The following UBR4 variants were observed in gnomAD, a reference collection of about 807,000 sequenced individuals.
UBR4 encodes E3 ubiquitin-protein ligase UBR4.
UBR4 carries 124 observed loss-of-function variants against 575.6 expected under a neutral mutation model. The ratio of observed to expected loss-of-function variants is 0.22; its 90% confidence interval spans 0.19 to 0.25. The LOEUF (loss-of-function observed/expected upper bound fraction) is 0.25. UBR4 is among the 10% of genes least tolerant of loss of function. The pLI, the probability that UBR4 is intolerant of heterozygous loss-of-function variation, is 1.00. For synonymous variants in UBR4, 2,455 were observed against 2,473.7 expected, an observed-to-expected ratio of 0.99 and a Z score of 0.22; for missense variants, 4,818 against 6,478.8, an observed-to-expected ratio of 0.74 and a Z score of 8.80.
intron 59 of UBR4, 107 bp from the exon 60 acceptor site, chr1:19,138,288 A>G: frequency 8.4e-7 from 1 of 1,195,916 alleles, no homozygotes; most frequent in Non-Finnish European, 1.1e-6. Context: ...ACAGCATTAG[A>G]CAATAACTGG....
At position 19,173,579 on chromosome 1, in the gene UBR4, T is replaced by G. The variant is rs1159360687; in HGVS notation, c.3025A>C (p.Ile1009Leu). ...LQYYFLILWR[I>L]LGILPPSKTY... is the part of the protein sequence containing the mutation. Reference sequence around the variant, plus strand: ...TTTGATGGTGGTAAAATTCCTAGGATCCTCCACAGTATCAAGAAGTAATAT... The same window carrying G: ...TTTGATGGTGGTAAAATTCCTAGGAGCCTCCACAGTATCAAGAAGTAATAT... The change falls in exon 23 of 106, where the codon ATC becomes CTC. Residue 1009 changes from isoleucine (I) to leucine (L), a missense_variant. Around this residue, in one of 29 missense-constraint regions of UBR4, gnomAD observed 1,172 missense variants for 1,259.7 expected, o/e 0.93. Transcript: ENST00000375254. 1 of 1,613,930 alleles carries G rather than the reference T, an allele frequency of 6.2e-7. No homozygotes were observed. Among genetic ancestry groups the G allele is most frequent in the Non-Finnish European group, 8.5e-7 (1 of 1,180,020 alleles).
Position 19,176,670 on chromosome 1 carries a change from T to A in UBR4, c.2695A>T (p.Asn899Tyr). Residue 899 changes from asparagine (N) to tyrosine (Y), a missense_variant, in exon 20 of 106, where the codon AAC becomes TAC. Physicochemically the swap from Asn to Tyr is moderately radical, Grantham distance 143. Transcript: ENST00000375254. ...FGWASGSQDS[N>Y]SRRATTPLYH... The stretch of plus-strand genomic sequence containing the variant: ...AGAGGAGTGGTTGCCCGGCGGCTGT[T>A]GCTGTCCTGGGATCCACTTGCCCAC... 6.2e-7 allele frequency: 1 copy of A among 1,614,124 alleles called. No homozygotes were observed. Among genetic ancestry groups the A allele is most frequent in the East Asian group, 2.2e-5 (1 of 44,882 alleles).
intron 54 of UBR4, among the ~76,000 whole-genome samples, chr1:19,144,503 G>A (rs1403060915): frequency 1.3e-5 from 2 of 152,140 alleles, no homozygotes. Context: ...TCATTCATGT[G>A]CTCATTTAAG....
rs1443145770 is a variant in UBR4 at position 19,177,766 on chromosome 1, A to C, written c.2355-23T>G. 7 of 1,603,512 alleles carry C rather than the reference A, an allele frequency of 4.4e-6. No individual in the cohort carries two copies. The African/African-American group carries it at 6.7e-5, about 15-fold the overall frequency. ...AACCTACCAGAGAGAAAAGATGACT[A>C]TATCTGGTGGGAAAAAGAGCATTCC... On this transcript the variant is annotated intron_variant, in intron 18 of 105. Coordinates refer to ENST00000375254, the MANE Select transcript of UBR4 (RefSeq NM_020765.3).
chr1:19,148,133 G>A lies in UBR4; in HGVS notation c.7495-6C>T, dbSNP rs1339996620. ...GCAGCATTCTTGTTTCTCTCCTAAG[G>A]CAAAAGACAGCAGGGTTATCACTAA... On this transcript the variant is annotated splice_polypyrimidine_tract_variant and splice_region_variant and intron_variant, in intron 50 of 105. Coordinates refer to ENST00000375254, the MANE Select transcript of UBR4 (RefSeq NM_020765.3). The A allele has an allele frequency of 1.2e-5, 19 of 1,601,140 alleles. No homozygotes were observed. The highest frequency in any genetic ancestry group is 1.5e-5 in the Non-Finnish European group (18 of 1,176,444).
intron 105 of UBR4, 94 bp from the exon 106 acceptor site, chr1:19,074,990 T>G (rs1570018130): frequency 2.9e-6 from 4 of 1,361,462 alleles, no homozygotes; most frequent in Non-Finnish European, 4.1e-6. Context: ...GAGAACACAC[T>G]GCGGTCCGAC....
intron 81 of UBR4, among the ~76,000 whole-genome samples, chr1:19,109,451 T>C (rs1434152045): frequency 1.3e-5 from 2 of 152,202 alleles, no homozygotes; most frequent in African/African-American, 4.8e-5. Context: ...ATCAAGGAGC[T>C]CACAGCTAGC....
chr1:19,125,167 C>A (rs1160416336), intron 64 of UBR4, among the ~76,000 whole-genome samples: 2 of 152,124 alleles, frequency 1.3e-5, no homozygotes, highest in African/African-American at 4.8e-5. Flanking sequence ...CTTCATGTAA[C>A]ACAAAAAGGC....
intron 68 of UBR4, among the ~76,000 whole-genome samples, chr1:19,120,910 G>C (rs549369835): frequency 1.3e-5 from 2 of 152,312 alleles, no homozygotes; most frequent in South Asian, 4.1e-4. Flanking sequence ...CATAGAGAAG[G>C]TGTTATTATT....
chr1:19,095,084 G>A, intron 93 of UBR4, 59 bp from the exon 94 acceptor site: 2 of 1,612,478 alleles, frequency 1.2e-6, no homozygotes, highest in Non-Finnish European at 1.7e-6. Flanking sequence ...TAACTGCTGA[G>A]GACAATTGCT....
chr1:19,160,178 C>T lies in UBR4; in HGVS notation c.5510G>A (p.Arg1837His), dbSNP rs568827299. The T allele has an allele frequency of 5.0e-6, 8 of 1,614,014 alleles. No individual in the cohort carries two copies. Among genetic ancestry groups the T allele is most frequent in the African/African-American group, 2.7e-5 (2 of 74,976 alleles). Residue 1837 changes from arginine (R) to histidine (H), a missense_variant, in exon 39 of 106, where the codon CGT becomes CAT. Physicochemically the swap from Arg to His is conservative, Grantham distance 29. Transcript: ENST00000375254. ...TAGCTCACTGAGGGCTTGCTGAGCA[C>T]GGCTGCTGCTCCCGACGGCTGAAGC... ...QQASAVGSSS[R>H]AQQALSELHT...
At chr1:19,203,214 G>C (rs2092833841) in intron 1 of UBR4, among the ~76,000 whole-genome samples, 1 of 152,078 alleles carries the variant, frequency 6.6e-6, no homozygotes, top group Non-Finnish European at 1.5e-5. Context: ...ACCTATGGTG[G>C]GACGCATTGT....
intron 102 of UBR4, among the ~76,000 whole-genome samples, chr1:19,083,701 C>T (rs2148623045): frequency 6.6e-6 from 1 of 152,258 alleles, no homozygotes; most frequent in Non-Finnish European, 1.5e-5. Flanking sequence ...TAATTTAAAA[C>T]AATTGTTTTT....
In UBR4 at chr1:19,122,085, TG is replaced by T. The variant is rs1409745836; in HGVS notation, c.9817-74del. The T allele has an allele frequency of 1.0e-5, 15 of 1,470,086 alleles. No individual in the cohort carries two copies. In the South Asian group the frequency reaches 1.5e-4, roughly 15 times the overall value. The allele number at this position is 1,470,086 out of a possible 1,614,324, so 91.1% of individuals were successfully genotyped here. The stretch of plus-strand genomic sequence containing the variant: ...CCAGACAAGCACCACACCTGCTGCC[TG>T]GAGCCATCTCCCTGACTTTGGACTA... On this transcript the variant is annotated intron_variant, in intron 66 of 105. Transcript: ENST00000375254.
chr1:19,199,999 T>A (rs1308724602), intron 2 of UBR4, among the ~76,000 whole-genome samples: 1 of 152,228 alleles, frequency 6.6e-6, no homozygotes, highest in Non-Finnish European at 1.5e-5. Flanking sequence ...TGCCAAGCAC[T>A]TCAAAGGTAT....
chr1:19,107,022 G>A, intron 81 of UBR4, 56 bp from the exon 82 acceptor site: 1 of 1,597,174 alleles, frequency 6.3e-7, no homozygotes, highest in Non-Finnish European at 8.5e-7. Flanking sequence ...CTGAGCCATA[G>A]CCCCAACAGC....
intron 13 of UBR4, 64 bp from the exon 14 acceptor site, chr1:19,186,721 T>A: frequency 2.7e-6 from 4 of 1,487,686 alleles, no homozygotes; most frequent in Non-Finnish European, 3.7e-6. Flanking sequence ...GCATGAAAAC[T>A]TTCTCCATAA....
At chr1:19,169,309 C>G (rs1368441642) in intron 27 of UBR4, 126 bp downstream of exon 27, 1 of 680,098 alleles carries the variant, frequency 1.5e-6, no homozygotes, top group Non-Finnish European at 2.3e-6. Context: ...TCAGCCATAG[C>G]CAATATTACT....
chr1:19,146,659 T>C (rs1159541463), intron 52 of UBR4, among the ~76,000 whole-genome samples, 167 bp downstream of exon 52: 1 of 152,164 alleles, frequency 6.6e-6, no homozygotes, highest in African/African-American at 2.4e-5. Flanking sequence ...TGTTTAAAAT[T>C]GTACAATCTC....
Sources: gnomAD v4.1 joint callset for allele counts (sites outside exome capture counted in the v4.1 genomes callset) on GRCh38, gnomAD v4.1.1 for gene constraint, gnomAD v4.1.1 regional missense constraint, MANE v1.5 for transcripts, NCBI Gene and HGNC (gene_info 2026-07-23, HGNC 2026-07-21) for gene names.